Variants in DSTN observed in about 807,000 individuals in gnomAD.
DSTN encodes the protein destrin.
In DSTN, 10 loss-of-function variants were observed where a neutral mutation model predicts 16.8. The ratio of observed to expected loss-of-function variants is 0.60; its 90% CI spans 0.37 to 1.01. DSTN has a LOEUF of 1.01. Among genes scored for constraint, DSTN ranks in the 50% least tolerant of loss-of-function variants. The pLI is 0.01. For missense variants in DSTN, 141 were observed against 196.7 expected (o/e 0.72, Z 1.69); for synonymous variants, 57 against 58.9 (o/e 0.97, Z 0.14).
intron 3 of DSTN, 59 bp from the exon 4 acceptor site, chr20:17,606,978 A>G: frequency 1.3e-6 from 2 of 1,564,334 alleles, no homozygotes; most frequent in East Asian, 2.2e-5. Context: ...TGGTTATCTT[A>G]GAGAAAGAGG....
At chr20:17,574,090 G>C (rs1263811494) in intron 1 of DSTN, among the ~76,000 whole-genome samples, 2 of 152,080 alleles carry the variant, frequency 1.3e-5, no homozygotes, top group Admixed American at 6.6e-5. Flanking sequence ...TATACTCCTA[G>C]CTATTTGGGG....
chr20:17,573,919 G>C (rs1304079713), intron 1 of DSTN, among the ~76,000 whole-genome samples: 2 of 147,636 alleles, frequency 1.4e-5, no homozygotes, highest in East Asian at 3.9e-4. Flanking sequence ...AAAAAAATCA[G>C]CTGGATACAG....
At position 17,607,250 on chromosome 20, in the gene DSTN, G is replaced by C; in HGVS notation, c.*104G>C. 1.1e-6 allele frequency: 1 copy of C among 948,828 alleles called. No individual in the cohort carries two copies. The highest frequency in any genetic ancestry group is 3.5e-4 in the Middle Eastern group (1 of 2,894). The allele number at this position is 948,828 out of a possible 1,614,324, so 58.8% of individuals were successfully genotyped here. A position where few individuals can be genotyped will look rare whatever the true frequency, so the allele number is the denominator to read the frequency against. ...GCCAGGGTCTCACTGAGGGGGAGCT[G>C]TCTTGTCATCTTTTAGAGTAAACTA... On this transcript the variant is annotated 3_prime_UTR_variant, in exon 4 of 4. Coordinates refer to ENST00000246069, the MANE Select transcript of DSTN (RefSeq NM_006870.4).
chr20:17,582,076 C>CCTTT (rs2035352008), intron 1 of DSTN, among the ~76,000 whole-genome samples: 1 of 127,116 alleles, frequency 7.9e-6, no homozygotes, highest in African/African-American at 3.5e-5. Flanking sequence ...ATGAAATATA[C>CCTTT]ATTTTTTTTT....
intron 1 of DSTN, among the ~76,000 whole-genome samples, chr20:17,598,401 T>A (rs975159833): frequency 3.3e-5 from 5 of 152,192 alleles, no homozygotes; most frequent in Admixed American, 3.3e-4. Context: ...GGTGACTCAT[T>A]ATGGTTTTGA....
At chr20:17,604,705 A>G (rs1266244150) in intron 3 of DSTN, 74 bp downstream of exon 3, 1 of 1,423,260 alleles carries the variant, frequency 7.0e-7, no homozygotes, top group Non-Finnish European at 9.6e-7. Flanking sequence ...TTTTCTGAGA[A>G]GCACCTTATT....
intron 1 of DSTN, among the ~76,000 whole-genome samples, chr20:17,588,270 G>A (rs534322020): frequency 6.6e-6 from 1 of 152,216 alleles, no homozygotes; most frequent in African/African-American, 2.4e-5. Flanking sequence ...CCTATGTCCT[G>A]GAATCCCCTG....
chr20:17,607,022 GT>G lies in DSTN; in HGVS notation c.389-9del. 2 of 1,611,724 alleles carry G rather than the reference GT, an allele frequency of 1.2e-6. No individual in the cohort carries two copies. Among genetic ancestry groups the G allele is most frequent in the East Asian group, 2.2e-5 (1 of 44,830 alleles). On this transcript the variant is annotated splice_polypyrimidine_tract_variant and intron_variant, in intron 3 of 3. Transcript: ENST00000246069. ...TGCCATAATTGTAAATAGAAGTGTT[GT>G]TTTTTCTCTCTAGGCATAAAACATG...
At chr20:17,592,163 T>A (rs370029662) in intron 1 of DSTN, 3 of 943,574 alleles carry the variant, frequency 3.2e-6, no homozygotes, top group African/African-American at 3.5e-5. Flanking sequence ...TGGTGGCTCA[T>A]GCCTGTAATC....
At position 17,601,259 on chromosome 20, in the gene DSTN, G is replaced by GTTTTTTTTTTT. The variant is rs150970081; in HGVS notation, c.311+219_311+220insTTTTTTTTTTT. Among the ~76,000 whole-genome samples, 4 of 135,298 alleles carry GTTTTTTTTTTT rather than the reference G, an allele frequency of 3.0e-5. 2 individuals are homozygous for GTTTTTTTTTTT. Among genetic ancestry groups the GTTTTTTTTTTT allele is most frequent in the African/African-American group, 5.5e-5 (2 of 36,488 alleles). 88.8% of individuals were successfully genotyped at this position (135,298 alleles called of 152,430 possible). On this transcript the variant is annotated intron_variant, in intron 2 of 3. Transcript: ENST00000246069. ...CTATCTACTTGTTATGTGACTCTCC[G>GTTTTTTTTTTT]TTTTTGTTTTTTTTTTCAATGGGGA...
At chr20:17,570,691 GT>G (rs2035192530) in intron 1 of DSTN, among the ~76,000 whole-genome samples, 1 of 152,252 alleles carries the variant, frequency 6.6e-6, no homozygotes, top group Admixed American at 6.5e-5. Context: ...CTTGAGGTCT[GT>G]CCATCTCAAT....
intron 1 of DSTN, among the ~76,000 whole-genome samples, chr20:17,573,152 A>G (rs1199182171): frequency 1.3e-5 from 2 of 152,248 alleles, no homozygotes; most frequent in Non-Finnish European, 2.9e-5. Flanking sequence ...GCTCAGGTAA[A>G]GTTCACAGTA....
intron 1 of DSTN, among the ~76,000 whole-genome samples, chr20:17,592,587 G>GT (rs1351645775): frequency 4.8e-5 from 6 of 125,568 alleles, no homozygotes; most frequent in Non-Finnish European, 8.2e-5. Context: ...TACCTTGTGG[G>GT]TTTTTTATTA....
At position 17,604,488 on chromosome 20, in the gene DSTN, G is replaced by A. The variant is rs2035620362; in HGVS notation, c.312-67G>A. 4 of 1,483,230 alleles carry A rather than the reference G, an allele frequency of 2.7e-6. No individual in the cohort carries two copies. The South Asian group carries it at 4.9e-5, about 18-fold the overall frequency. The allele number at this position is 1,483,230 out of a possible 1,614,324, so 91.9% of individuals were successfully genotyped here. A position where few individuals can be genotyped will look rare whatever the true frequency, so the allele number is the denominator to read the frequency against. On this transcript the variant is annotated intron_variant, in intron 2 of 3. Coordinates refer to ENST00000246069, the MANE Select transcript of DSTN (RefSeq NM_006870.4). Reference sequence around the variant, plus strand: ...TCAGCAAATGTTTACACAAGCAAATGTTTAACAAGTTGCAAGTTATACTTT... The same window carrying A: ...TCAGCAAATGTTTACACAAGCAAATATTTAACAAGTTGCAAGTTATACTTT...
At chr20:17,606,551 T>G (rs2035645247) in intron 3 of DSTN, among the ~76,000 whole-genome samples, 1 of 152,250 alleles carries the variant, frequency 6.6e-6, no homozygotes, top group Non-Finnish European at 1.5e-5. Context: ...CCTTTTAGCT[T>G]TTTAGCAAAG....
intron 1 of DSTN, among the ~76,000 whole-genome samples, chr20:17,596,479 C>T (rs1025494379): frequency 6.6e-6 from 1 of 152,154 alleles, no homozygotes; most frequent in African/African-American, 2.4e-5. Flanking sequence ...AGTCACTAAT[C>T]GAGAGAATCC....
intron 2 of DSTN, among the ~76,000 whole-genome samples, chr20:17,602,259 A>T (rs2035595114): frequency 6.6e-6 from 1 of 152,186 alleles, no homozygotes; most frequent in East Asian, 1.9e-4. Flanking sequence ...ATTAACAAGG[A>T]TTTGAATGAA....
chr20:17,579,595 C>T (rs1568731059), intron 1 of DSTN, among the ~76,000 whole-genome samples: 1 of 152,150 alleles, frequency 6.6e-6, no homozygotes, highest in Non-Finnish European at 1.5e-5. Context: ...CCAAAAAAAG[C>T]AGTGGCAGGT....
At chr20:17,600,713 T>C (rs1412122476) in intron 1 of DSTN, 25 bp from the exon 2 acceptor site, 2 of 1,538,974 alleles carry the variant, frequency 1.3e-6, no homozygotes, top group Non-Finnish European at 1.7e-6. Flanking sequence ...TGTAAGTCTT[T>C]TTCTCATGTA....
Sources: gnomAD v4.1 joint callset for allele counts (sites outside exome capture counted in the v4.1 genomes callset) on GRCh38, gnomAD v4.1.1 for gene constraint, MANE v1.5 for transcripts, NCBI Gene and HGNC (gene_info 2026-07-23, HGNC 2026-07-21) for gene names.